The following DNAI2 variants were observed in gnomAD, a reference collection of about 807,000 sequenced individuals.
DNAI2 encodes the protein dynein axonemal intermediate chain 2.
Under a neutral mutation model 74.7 loss-of-function variants are expected in DNAI2, and 63 were observed. The observed-to-expected ratio is 0.84, with a 90% CI of 0.69 to 1.04. DNAI2 has a LOEUF of 1.04. Ranked by LOEUF, DNAI2 falls within the 50% of genes least tolerant of loss-of-function variation. The pLI is 0.00. For synonymous variants in DNAI2, 289 were observed against 314.9 expected (o/e 0.92, Z 0.87); for missense variants, 688 against 803.2 (o/e 0.86, Z 1.73).
At chr17:74,313,291 C>A (rs1480946212) in intron 12 of DNAI2, among the ~76,000 whole-genome samples, 2 of 152,178 alleles carry the variant, frequency 1.3e-5, no homozygotes, top group Admixed American at 6.5e-5. Context: ...CCTCCCTCCC[C>A]CTGGGTCTAA....
chr17:74,278,969 C>G (rs866542955), intron 1 of DNAI2, among the ~76,000 whole-genome samples: 95 of 152,128 alleles, frequency 6.2e-4, no homozygotes, highest in African/African-American at 2.2e-3. Flanking sequence ...AGATCGAGAC[C>G]ATCCTGGCTA....
intron 3 of DNAI2, among the ~76,000 whole-genome samples, chr17:74,285,970 TAGAGAGAG>T (rs3056091): frequency 2.8e-4 from 41 of 146,934 alleles, no homozygotes; most frequent in African/African-American, 4.7e-4. Flanking sequence ...TATATATATA[TAGAGAGAG>T]AGAGAGAGAG....
chr17:74,303,114 G>A (rs1230141528), intron 8 of DNAI2, among the ~76,000 whole-genome samples: 1 of 152,206 alleles, frequency 6.6e-6, no homozygotes, highest in African/African-American at 2.4e-5. Flanking sequence ...ATAAGCTTGT[G>A]CAGTCGCCTA....
rs1220308686 is a variant in DNAI2 at position 74,282,005 on chromosome 17, G to T, written c.183+5G>T. The T allele has an allele frequency of 6.2e-7, 1 of 1,613,804 alleles. No homozygotes were observed. Among genetic ancestry groups the T allele is most frequent in the Non-Finnish European group, 8.5e-7 (1 of 1,179,956 alleles). On this transcript the variant is annotated splice_donor_5th_base_variant and intron_variant, in intron 2 of 13. Transcript: ENST00000311014. Reference sequence around the variant, plus strand: ...ATCAGCATGTCGGAACACGAGGTGGGTCCCTGCCCCAAGGGCCCTGGCCTG... The same window carrying T: ...ATCAGCATGTCGGAACACGAGGTGGTTCCCTGCCCCAAGGGCCCTGGCCTG...
At chr17:74,313,374 T>C (rs2053644276) in intron 12 of DNAI2, among the ~76,000 whole-genome samples, 1 of 152,132 alleles carries the variant, frequency 6.6e-6, no homozygotes, top group Non-Finnish European at 1.5e-5. Flanking sequence ...TCACACTGGG[T>C]AATACAGGTG....
At chr17:74,303,466 C>T (rs1014328439) in intron 8 of DNAI2, among the ~76,000 whole-genome samples, 1 of 152,150 alleles carries the variant, frequency 6.6e-6, no homozygotes, top group African/African-American at 2.4e-5. Context: ...GTTGAGACAT[C>T]GTTTTGCTCT....
rs117075898 is a variant in DNAI2, at chr17:74,301,028, C to G, written c.865-18C>G. 1.2e-6 allele frequency: 2 copies of G among 1,613,394 alleles called. No homozygotes were observed. Among genetic ancestry groups the G allele is most frequent in the Non-Finnish European group, 1.7e-6 (2 of 1,179,684 alleles). On this transcript the variant is annotated intron_variant, in intron 7 of 13. Transcript: ENST00000311014. ...ATACAGGGCCTCGAAGTCTCACTGT[C>G]GCCCCTCCTCCCACCAGGTCATGTG...
intron 6 of DNAI2, among the ~76,000 whole-genome samples, 184 bp from the exon 7 acceptor site, chr17:74,299,534 G>C (rs948261653): frequency 3.3e-5 from 5 of 152,102 alleles, no homozygotes; most frequent in Admixed American, 2.0e-4. Context: ...TGCACTCTGG[G>C]AGTCTCTCCA....
intron 11 of DNAI2, among the ~76,000 whole-genome samples, chr17:74,310,424 T>C (rs1258468163): frequency 6.6e-6 from 1 of 152,136 alleles, no homozygotes; most frequent in East Asian, 1.9e-4. Context: ...ATCAAAGAGG[T>C]TCGACTTGGT....
intron 9 of DNAI2, among the ~76,000 whole-genome samples, chr17:74,306,917 G>A (rs904055347): frequency 4.6e-5 from 7 of 152,172 alleles, no homozygotes; most frequent in Admixed American, 2.6e-4. Flanking sequence ...CGTGCCTGGT[G>A]GAGGAGTGAT....
chr17:74,283,675 G>T (rs35082870), intron 2 of DNAI2, among the ~76,000 whole-genome samples: 1 of 151,908 alleles, frequency 6.6e-6, no homozygotes, highest in South Asian at 2.1e-4. Flanking sequence ...AGGCAGAGGC[G>T]AGAGGATCAC....
In DNAI2 at chr17:74,281,799, C is replaced by T. The variant is rs746614043; in HGVS notation, c.-11-8C>T. The T allele has an allele frequency of 4.3e-6, 7 of 1,612,604 alleles. No individual in the cohort carries two copies. The East Asian group carries it at 1.1e-4, about 26-fold the overall frequency. On this transcript the variant is annotated splice_region_variant and splice_polypyrimidine_tract_variant and intron_variant, in intron 1 of 13. Coordinates refer to ENST00000311014, the MANE Select transcript of DNAI2 (RefSeq NM_023036.6). ...TCCCTCACCCCACACCCTCCCTCTG[C>T]CCCCCAGCAGCCGGCACCATGGAGA...
chr17:74,291,921 T>C (rs9907364), intron 6 of DNAI2, among the ~76,000 whole-genome samples: 78,730 of 151,616 alleles, frequency 0.52, 22,468 homozygotes, highest in Non-Finnish European at 0.67. Context: ...CGGAGTGCAG[T>C]GGTGCAGTCT....
At chr17:74,304,591 G>A (rs955785749) in intron 8 of DNAI2, among the ~76,000 whole-genome samples, 10 of 152,264 alleles carry the variant, frequency 6.6e-5, no homozygotes, top group East Asian at 1.9e-4. Flanking sequence ...CATTCAGTCC[G>A]CAGTGAAGTG....
rs542230705 is a variant in DNAI2 at position 74,302,546 on chromosome 17, G to A, written c.987+1378G>A. On this transcript the variant is annotated intron_variant, in intron 8 of 13. Transcript: ENST00000311014. Reference sequence around the variant, plus strand: ...CGCATCATTGCACTCCAGCCTGGACGACAAGAGCGAAACTCCATCTCAAAA... The same window carrying A: ...CGCATCATTGCACTCCAGCCTGGACAACAAGAGCGAAACTCCATCTCAAAA... Among the ~76,000 whole-genome samples, 10 of 151,582 alleles carry A rather than the reference G, an allele frequency of 6.6e-5. No individual in the cohort carries two copies. The South Asian group carries it at 8.3e-4, about 13-fold the overall frequency.
intron 2 of DNAI2, 87 bp from the exon 3 acceptor site, chr17:74,284,953 G>T: frequency 6.4e-7 from 1 of 1,573,528 alleles, no homozygotes; most frequent in Non-Finnish European, 8.7e-7. Flanking sequence ...AGCCCTGGGA[G>T]CCCCCGTGGG....
intron 6 of DNAI2, among the ~76,000 whole-genome samples, chr17:74,292,367 G>A (rs2052161830): frequency 1.4e-5 from 2 of 147,788 alleles, no homozygotes; most frequent in South Asian, 4.2e-4. Flanking sequence ...TGTCTAGTTT[G>A]TTGACATTTA....
chr17:74,303,400 G>T (rs1440846645), intron 8 of DNAI2, among the ~76,000 whole-genome samples: 3 of 152,106 alleles, frequency 2.0e-5, no homozygotes, highest in African/African-American at 7.2e-5. Flanking sequence ...TCTCAAGCTT[G>T]GTCTTTCCAC....
At chr17:74,309,583 G>C (rs1477030321) in intron 10 of DNAI2, 195 bp downstream of exon 10, 1 of 790,658 alleles carries the variant, frequency 1.3e-6, no homozygotes. Flanking sequence ...AAGGGGCCTG[G>C]GGGATTTGGC....
Sources: allele counts gnomAD v4.1 joint callset (sites outside exome capture counted in the v4.1 genomes callset), GRCh38; gene constraint gnomAD v4.1.1; transcripts MANE v1.5; gene names NCBI Gene and HGNC (gene_info 2026-07-23, HGNC 2026-07-21).